SCML4: variants seen among roughly 807,000 people sequenced by gnomAD.
SCML4 encodes the protein sex comb on midleg-like protein 4.
SCML4 carries 34 observed loss-of-function variants against 41.1 expected under a neutral mutation model. The observed-to-expected ratio is 0.83, with a 90% CI of 0.63 to 1.10. The LOEUF (loss-of-function observed/expected upper bound fraction) is 1.10. Among genes scored for constraint, SCML4 ranks in the 50% least tolerant of loss-of-function variants. The pLI is 0.00. For missense variants in SCML4, 522 were observed against 534.1 expected, an observed-to-expected ratio of 0.98 and a Z score of 0.22; for synonymous variants, 214 against 220.9, an observed-to-expected ratio of 0.97 and a Z score of 0.28.
intron 3 of SCML4, among the ~76,000 whole-genome samples, chr6:107,749,125 T>C (rs1051449348): frequency 9.9e-5 from 15 of 151,632 alleles, no homozygotes; most frequent in African/African-American, 3.4e-4. Context: ...TGTGTGCGCG[T>C]GTGTGTGTGT....
intron 1 of SCML4, among the ~76,000 whole-genome samples, chr6:107,822,503 CTTTTCTT>C (rs1785017648): frequency 7.2e-5 from 3 of 41,580 alleles, no homozygotes; most frequent in South Asian, 1.1e-3. Flanking sequence ...TTCTTTTTTT[CTTTTCTT>C]TTTTTTTTTT....
chr6:107,804,459 G>A (rs1208785917), intron 1 of SCML4, among the ~76,000 whole-genome samples: 1 of 151,996 alleles, frequency 6.6e-6, no homozygotes, highest in Admixed American at 6.5e-5. Context: ...AGTCTGGAGG[G>A]GCCAGGAGAG....
At chr6:107,797,930 T>G (rs1782829299) in intron 1 of SCML4, among the ~76,000 whole-genome samples, 1 of 152,026 alleles carries the variant, frequency 6.6e-6, no homozygotes, top group Admixed American at 6.5e-5. Flanking sequence ...CACTGATGGA[T>G]TTAGAATGCT....
intron 2 of SCML4, among the ~76,000 whole-genome samples, chr6:107,754,180 A>G (rs985093520): frequency 6.6e-6 from 1 of 152,262 alleles, no homozygotes; most frequent in Non-Finnish European, 1.5e-5. Flanking sequence ...TGAGGCTCTC[A>G]AGGGAACCTC....
intron 6 of SCML4, chr6:107,718,529 A>T (rs1775059543): frequency 6.6e-6 from 1 of 152,364 alleles, no homozygotes; most frequent in African/African-American, 2.4e-5. Context: ...ACAGGAGGAC[A>T]TCCTAGGGCT....
intron 1 of SCML4, 106 bp from the exon 2 acceptor site, chr6:107,772,492 T>C (rs1336224176): frequency 2.3e-5 from 14 of 601,294 alleles, no homozygotes; most frequent in South Asian, 1.7e-4. Context: ...CTACCACTTA[T>C]TGGAGGGGAA....
chr6:107,813,409 TATATATATATATATAAAA>T (rs1403827835), intron 1 of SCML4, among the ~76,000 whole-genome samples: 1 of 31,052 alleles, frequency 3.2e-5, no homozygotes, highest in Non-Finnish European at 7.1e-5. Context: ...TATATATATA[TATATATATATATATAAAA>T]CTGTAAAATT....
At chr6:107,798,661 T>C (rs1782885016) in intron 1 of SCML4, among the ~76,000 whole-genome samples, 1 of 152,090 alleles carries the variant, frequency 6.6e-6, no homozygotes, top group African/African-American at 2.4e-5. Flanking sequence ...CCTCTTTCTC[T>C]AGCTTCTTAA....
intron 5 of SCML4, chr6:107,732,052 G>A (rs1377834730): frequency 6.6e-6 from 1 of 152,290 alleles, no homozygotes; most frequent in East Asian, 1.9e-4. Flanking sequence ...CACGTGCTTG[G>A]TGCTGTGGGA....
chr6:107,756,464 C>A (rs1376825309), intron 2 of SCML4, among the ~76,000 whole-genome samples: 1 of 152,186 alleles, frequency 6.6e-6, no homozygotes, highest in Non-Finnish European at 1.5e-5. Flanking sequence ...CTGCCAAAGT[C>A]ATCACAAAAG....
chr6:107,781,415 G>A (rs370528915), intron 1 of SCML4, among the ~76,000 whole-genome samples: 1 of 152,174 alleles, frequency 6.6e-6, no homozygotes, highest in East Asian at 1.9e-4. Context: ...GGGAGGCCGA[G>A]GCGGGTGGAT....
At chr6:107,788,481 A>G (rs988554448) in intron 1 of SCML4, among the ~76,000 whole-genome samples, 2 of 152,218 alleles carry the variant, frequency 1.3e-5, no homozygotes, top group African/African-American at 4.8e-5. Context: ...ATTTCCAACC[A>G]TCTTGTTTGC....
chr6:107,815,456 A>G (rs564329028), intron 1 of SCML4, among the ~76,000 whole-genome samples: 4 of 152,254 alleles, frequency 2.6e-5, no homozygotes, highest in Non-Finnish European at 5.9e-5. Flanking sequence ...ATTTTCCAGG[A>G]ATGCCATTAG....
At chr6:107,723,940 A>T (rs1583412663) in intron 5 of SCML4, among the ~76,000 whole-genome samples, 1 of 152,174 alleles carries the variant, frequency 6.6e-6, no homozygotes, top group Non-Finnish European at 1.5e-5. Flanking sequence ...ACCCGGCAAC[A>T]TATAAAAAGA....
intron 2 of SCML4, among the ~76,000 whole-genome samples, chr6:107,751,753 A>G (rs1367728287): frequency 1.3e-5 from 2 of 151,878 alleles, no homozygotes; most frequent in Non-Finnish European, 2.9e-5. Flanking sequence ...CTCCTGCCTC[A>G]GCCTCCCGAG....
In SCML4 at chr6:107,794,384, C is replaced by A. The variant is rs1782559862; in HGVS notation, c.-59-21998G>T. On this transcript the variant is annotated intron_variant, in intron 1 of 7. Coordinates refer to ENST00000369020, the MANE Select transcript of SCML4 (RefSeq NM_198081.5). The stretch of plus-strand genomic sequence containing the variant: ...AAACAATCATTCCCTGGTCCCAAAG[C>A]AGCCTGGAGGGGCACATTCGGGCTT... Among the ~76,000 whole-genome samples, 4 of 152,166 alleles carry A rather than the reference C, an allele frequency of 2.6e-5. No individual in the cohort carries two copies. In the South Asian group the frequency reaches 8.3e-4, roughly 32 times the overall value.
intron 6 of SCML4, among the ~76,000 whole-genome samples, chr6:107,711,379 T>C (rs1174345964): frequency 6.6e-6 from 1 of 152,206 alleles, no homozygotes; most frequent in Non-Finnish European, 1.5e-5. Flanking sequence ...TGATTCTAGT[T>C]CCTATCGCCT....
At chr6:107,772,517 G>C in intron 1 of SCML4, 131 bp from the exon 2 acceptor site, 1 of 548,700 alleles carries the variant, frequency 1.8e-6, no homozygotes, top group Non-Finnish European at 3.2e-6. Flanking sequence ...AAATATGAAG[G>C]AGCTAGGTAC....
chr6:107,764,643 T>C (rs1035734461), intron 2 of SCML4, among the ~76,000 whole-genome samples: 1 of 152,120 alleles, frequency 6.6e-6, no homozygotes, highest in Non-Finnish European at 1.5e-5. Flanking sequence ...CAGTATTCCA[T>C]GGGTACCAGG....
Sources: gnomAD v4.1 joint callset for allele counts (sites outside exome capture counted in the v4.1 genomes callset) on GRCh38, gnomAD v4.1.1 for gene constraint, MANE v1.5 for transcripts, NCBI Gene and HGNC (gene_info 2026-07-23, HGNC 2026-07-21) for gene names.